The following GLI3 variants were observed in gnomAD, a reference collection of about 807,000 sequenced individuals.
GLI3 encodes transcription activator GLI3.
In GLI3, 20 loss-of-function variants were observed where a neutral mutation model predicts 100.8. The observed-to-expected ratio is 0.20, with a 90% CI of 0.14 to 0.29. The LOEUF is 0.29. Ranked by LOEUF, GLI3 falls within the 10% of genes least tolerant of loss-of-function variation. The pLI is 1.00. For missense variants in GLI3, 2,040 were observed against 2,128.5 expected, an observed-to-expected ratio of 0.96 and a Z score of 0.82; for synonymous variants, 938 against 860.5, an observed-to-expected ratio of 1.09 and a Z score of -1.58.
intron 3 of GLI3, among the ~76,000 whole-genome samples, chr7:42,102,550 G>A (rs1313622354): frequency 6.6e-6 from 1 of 152,238 alleles, no homozygotes; most frequent in Non-Finnish European, 1.5e-5. Context: ...CCTGGCTGAT[G>A]CAGGAGGAAA....
At chr7:42,118,921 C>A (rs1333116185) in intron 3 of GLI3, among the ~76,000 whole-genome samples, 1 of 152,148 alleles carries the variant, frequency 6.6e-6, no homozygotes, top group Admixed American at 6.5e-5. Flanking sequence ...TCGTGAAACC[C>A]AAAACTATGA....
chr7:42,081,337 T>C (rs1358035637), intron 3 of GLI3, among the ~76,000 whole-genome samples: 2 of 152,144 alleles, frequency 1.3e-5, no homozygotes, highest in Admixed American at 6.5e-5. Context: ...CTGCGAGAGG[T>C]TTGACTATTG....
At chr7:42,261,934 C>T (rs1277331531) in intron 1 of GLI3, among the ~76,000 whole-genome samples, 1 of 138,618 alleles carries the variant, frequency 7.2e-6, no homozygotes, top group East Asian at 2.1e-4. Context: ...CCTTTTCTTT[C>T]TTCTTTTCTT....
Position 42,132,257 on chromosome 7 carries a change from C to CGCCT in GLI3, c.367+15968_367+15969insAGGC, listed in dbSNP as rs1233695403. On this transcript the variant is annotated intron_variant, in intron 3 of 14. Coordinates refer to ENST00000395925, the MANE Select transcript of GLI3 (RefSeq NM_000168.6). ...CTGGGACTACAGGCGCCCGCCACTA[C>CGCCT]GCCCGGCTAATTTTTTGTATTTTTA... 2.4e-4 allele frequency among the ~76,000 whole-genome samples: 37 copies of CGCCT among 151,456 alleles called. 1 individual carries two copies. Among genetic ancestry groups the CGCCT allele is most frequent in the Non-Finnish European group, 3.4e-4 (23 of 67,912 alleles).
intron 1 of GLI3, among the ~76,000 whole-genome samples, chr7:42,243,618 A>G (rs922665639): frequency 3.3e-5 from 5 of 152,356 alleles, no homozygotes; most frequent in African/African-American, 9.6e-5. Flanking sequence ...AGAAAGTGAG[A>G]TGGTGTAAAT....
intron 10 of GLI3, among the ~76,000 whole-genome samples, chr7:42,000,969 G>A (rs1461705004): frequency 6.6e-6 from 1 of 152,094 alleles, no homozygotes; most frequent in African/African-American, 2.4e-5. Context: ...GAGGAGGGCC[G>A]GGAGCGGTGG....
intron 7 of GLI3, among the ~76,000 whole-genome samples, chr7:42,038,067 C>G (rs846326): frequency 0.56 from 85,045 of 152,156 alleles, 25,966 homozygotes; most frequent in African/African-American, 0.82. Flanking sequence ...TGTTATCTTT[C>G]TGACTATCAC....
At chr7:42,112,827 G>T (rs1785746980) in intron 3 of GLI3, among the ~76,000 whole-genome samples, 2 of 152,182 alleles carry the variant, frequency 1.3e-5, no homozygotes, top group Middle Eastern at 3.4e-3. Context: ...GCCCACATGA[G>T]ATCATGCATC....
intron 3 of GLI3, among the ~76,000 whole-genome samples, chr7:42,109,787 G>A (rs2128765865): frequency 6.6e-6 from 1 of 152,318 alleles, no homozygotes; most frequent in African/African-American, 2.4e-5. Context: ...CTGGCAGAGG[G>A]AAACATCCTG....
chr7:42,138,837 A>G (rs1245658704), intron 3 of GLI3, among the ~76,000 whole-genome samples: 1 of 152,206 alleles, frequency 6.6e-6, no homozygotes, highest in Non-Finnish European at 1.5e-5. Context: ...TGGACGACGT[A>G]AACACCCCGC....
intron 10 of GLI3, among the ~76,000 whole-genome samples, chr7:41,985,096 G>C (rs1210246918): frequency 6.6e-6 from 1 of 152,208 alleles, no homozygotes; most frequent in African/African-American, 2.4e-5. Context: ...GTGGAAGGCT[G>C]AGCACACTTG....
At chr7:42,108,810 A>T (rs1785636598) in intron 3 of GLI3, among the ~76,000 whole-genome samples, 2 of 152,206 alleles carry the variant, frequency 1.3e-5, no homozygotes, top group Admixed American at 1.3e-4. Context: ...GGGATTTCAG[A>T]GCTGGAAGGC....
intron 12 of GLI3, among the ~76,000 whole-genome samples, chr7:41,974,995 C>T (rs1286753802): frequency 6.6e-6 from 1 of 152,190 alleles, no homozygotes; most frequent in Non-Finnish European, 1.5e-5. Context: ...ACTTACACAA[C>T]CTTAGGGAGT....
chr7:42,071,058 G>A (rs1784774892), intron 4 of GLI3, among the ~76,000 whole-genome samples: 1 of 152,142 alleles, frequency 6.6e-6, no homozygotes, highest in Admixed American at 6.5e-5. Flanking sequence ...GGTCATAGCA[G>A]TGACCCTATT....
At chr7:42,046,807 T>G (rs993085753) in intron 5 of GLI3, among the ~76,000 whole-genome samples, 1 of 152,174 alleles carries the variant, frequency 6.6e-6, no homozygotes, top group East Asian at 1.9e-4. Context: ...GTTCTTCAAG[T>G]GCAAAATAAA....
chr7:41,965,459 A>C lies in GLI3; in HGVS notation c.3614T>G (p.Leu1205Trp). Residue 1205 changes from leucine (L) to tryptophan (W), a missense_variant, in exon 15 of 15, where the codon TTG (leucine) becomes TGG (tryptophan). Physicochemically the swap from Leu to Trp is moderately conservative, Grantham distance 61. Transcript: ENST00000395925. ...NGMVVHPQNP[L>W]RSGPAGGYQT... is the part of the protein sequence containing the mutation. Reference sequence around the variant, plus strand: ...ATAGCCCCCAGCAGGCCCGCTCCTCAAGGGGTTCTGCGGGTGGACGACCAT... The same window carrying C: ...ATAGCCCCCAGCAGGCCCGCTCCTCCAGGGGTTCTGCGGGTGGACGACCAT... 6.2e-7 allele frequency: 1 copy of C among 1,608,874 alleles called. No homozygotes were observed. Among genetic ancestry groups the C allele is most frequent in the South Asian group, 1.1e-5 (1 of 91,000 alleles).
chr7:42,113,513 G>A (rs1261604487), intron 3 of GLI3: 3 of 1,124,448 alleles, frequency 2.7e-6, no homozygotes, highest in East Asian at 2.4e-5. Context: ...GGTACCCAAA[G>A]GGAAAAAGGG....
chr7:42,172,517 C>T, intron 2 of GLI3: 1 of 701,702 alleles, frequency 1.4e-6, no homozygotes, highest in Non-Finnish European at 2.6e-6. Flanking sequence ...AATCATCCCG[C>T]ACCTAGGTAA....
intron 7 of GLI3, among the ~76,000 whole-genome samples, chr7:42,033,002 G>A (rs955468672): frequency 6.6e-6 from 1 of 152,180 alleles, no homozygotes; most frequent in African/African-American, 2.4e-5. Context: ...TGTGGGGAAA[G>A]GGCACAGGAG....
Sources: allele counts gnomAD v4.1 joint callset (sites outside exome capture counted in the v4.1 genomes callset), GRCh38; gene constraint gnomAD v4.1.1; transcripts MANE v1.5; gene names NCBI Gene and HGNC (gene_info 2026-07-23, HGNC 2026-07-21).